Variants in STRN3 observed in about 807,000 individuals in gnomAD.
The protein encoded by STRN3 is striatin 3.
STRN3 carries 29 observed loss-of-function variants against 95.6 expected under a neutral mutation model. The ratio of observed to expected loss-of-function variants is 0.30; its 90% CI spans 0.23 to 0.41. The LOEUF is 0.41. Ranked by LOEUF, STRN3 falls within the 10% of genes least tolerant of loss-of-function variation. STRN3 has a pLI of 1.00. For missense variants in STRN3, 890 were observed against 972.1 expected (o/e 0.92, Z 1.12); for synonymous variants, 331 against 357.6 (o/e 0.93, Z 0.84).
intron 1 of STRN3, among the ~76,000 whole-genome samples, chr14:31,004,796 T>A (rs1382212617): frequency 2.6e-5 from 4 of 151,922 alleles, no homozygotes; most frequent in Admixed American, 6.6e-5. Flanking sequence ...TTTTTTTTTT[T>A]AAATCTTGGG....
intron 1 of STRN3, among the ~76,000 whole-genome samples, chr14:30,997,006 T>C (rs536229053): frequency 2.1e-4 from 32 of 151,318 alleles, no homozygotes; most frequent in Admixed American, 4.6e-4. Context: ...GCGAAAGTAA[T>C]AGACAATAAA....
chr14:31,004,640 G>A (rs766017056), intron 1 of STRN3, among the ~76,000 whole-genome samples: 1 of 152,042 alleles, frequency 6.6e-6, no homozygotes, highest in Non-Finnish European at 1.5e-5. Flanking sequence ...GGGTATGGTG[G>A]CACATCCCTG....
At chr14:31,012,190 T>G (rs1035187093) in intron 1 of STRN3, among the ~76,000 whole-genome samples, 2 of 152,264 alleles carry the variant, frequency 1.3e-5, no homozygotes, top group Non-Finnish European at 2.9e-5. Context: ...CCTTATCCAT[T>G]GTTACTCTCT....
rs1237770775 is a variant in STRN3 at position 30,894,889 on chromosome 14, TTTTC to T, written c.*518_*521del. 7.6e-6 allele frequency: 7 copies of T among 916,686 alleles called. No homozygotes were observed. The highest frequency in any genetic ancestry group is 4.6e-5 in the Admixed American group (1 of 21,618). 56.8% of individuals were successfully genotyped at this position (916,686 alleles called of 1,614,324 possible). ...TAAAATATTTTAAGTTAAATTTTCT[TTTTC>T]TTTTTTTTTTTTTTTAAAGCAAAAT... is the stretch of plus-strand genomic sequence containing the variant. On this transcript the variant is annotated 3_prime_UTR_variant, in exon 18 of 18. Coordinates refer to ENST00000357479, the MANE Select transcript of STRN3 (RefSeq NM_001083893.2).
chr14:31,001,953 T>G (rs8021606), intron 1 of STRN3, among the ~76,000 whole-genome samples: 2,765 of 143,506 alleles, frequency 0.019, 76 homozygotes, highest in African/African-American at 0.067. Flanking sequence ...TCACCTGAGG[T>G]CGGGAGTTTG....
At chr14:30,981,174 G>A (rs928325969) in intron 1 of STRN3, among the ~76,000 whole-genome samples, 16 of 152,076 alleles carry the variant, frequency 1.1e-4, no homozygotes, top group African/African-American at 3.4e-4. Context: ...AATTAACCAG[G>A]CATGACGGTG....
chr14:30,985,751 A>C (rs1195204547), intron 1 of STRN3, among the ~76,000 whole-genome samples: 5 of 151,994 alleles, frequency 3.3e-5, no homozygotes, highest in African/African-American at 1.2e-4. Context: ...TAGTTTTATC[A>C]TAAGAAATAT....
intron 1 of STRN3, among the ~76,000 whole-genome samples, chr14:31,006,390 G>A (rs1474695163): frequency 1.3e-5 from 2 of 151,470 alleles, no homozygotes; most frequent in Non-Finnish European, 2.9e-5. Flanking sequence ...GTGAGACCTC[G>A]TGTTTACTAA....
intron 8 of STRN3, among the ~76,000 whole-genome samples, chr14:30,928,822 T>G (rs566606364): frequency 3.9e-5 from 6 of 152,186 alleles, no homozygotes; most frequent in Admixed American, 1.3e-4. Context: ...CTAAGAAATG[T>G]AACCTGGATA....
chr14:30,908,000 G>C (rs1048666399), intron 13 of STRN3, among the ~76,000 whole-genome samples: 4 of 152,058 alleles, frequency 2.6e-5, no homozygotes, highest in African/African-American at 9.7e-5. Context: ...AAATAATGCT[G>C]CATGTTTCTT....
At chr14:30,997,136 C>T (rs907056944) in intron 1 of STRN3, among the ~76,000 whole-genome samples, 2 of 152,082 alleles carry the variant, frequency 1.3e-5, no homozygotes, top group Non-Finnish European at 2.9e-5. Context: ...GTAACAGCAG[C>T]AGGGCTCAAA....
At position 31,026,330 on chromosome 14, in the gene STRN3, GTCA is replaced by G; in HGVS notation, c.-148_-146del. The G allele has an allele frequency of 1.2e-6, 1 of 847,890 alleles. No individual in the cohort carries two copies. Among genetic ancestry groups the G allele is most frequent in the Non-Finnish European group, 1.6e-6 (1 of 612,048 alleles). The allele number at this position is 847,890 out of a possible 1,614,324, so 52.5% of individuals were successfully genotyped here. On this transcript the variant is annotated 5_prime_UTR_variant, in exon 1 of 18. An upstream open reading frame in the 5' UTR loses its in-frame stop. Coordinates refer to ENST00000357479, the MANE Select transcript of STRN3 (RefSeq NM_001083893.2). Reference sequence around the variant, plus strand: ...GGTCGTTGCTGTGTGCCTGCCGTGGGTCAGAGCAGGGAGCTGCCGGCTGCCGCC... The same window carrying G: ...GGTCGTTGCTGTGTGCCTGCCGTGGGGAGCAGGGAGCTGCCGGCTGCCGCC...
chr14:30,935,084 A>C (rs1878751708), intron 7 of STRN3, 79 bp downstream of exon 7: 4 of 1,546,752 alleles, frequency 2.6e-6, no homozygotes, highest in African/African-American at 1.4e-5. Flanking sequence ...TTATACACAC[A>C]TTCCACATAT....
At position 30,920,103 on chromosome 14, in the gene STRN3, T is replaced by C. The variant is rs530668127; in HGVS notation, c.1100-997A>G. 1.7e-3 allele frequency among the ~76,000 whole-genome samples: 265 copies of C among 152,324 alleles called. 1 individual carries two copies. The highest frequency in any genetic ancestry group is 3.2e-3 in the Non-Finnish European group (215 of 68,004). ...CTATATATTAAGTTCACTGTGGCTATTTGAGTGTAAGTAACTCTAAGAACT... is the reference window on the plus strand; with the variant it reads ...CTATATATTAAGTTCACTGTGGCTACTTGAGTGTAAGTAACTCTAAGAACT... On this transcript the variant is annotated intron_variant, in intron 8 of 17. Transcript: ENST00000357479.
At chr14:30,978,926 C>T (rs1881246234) in intron 1 of STRN3, among the ~76,000 whole-genome samples, 1 of 149,798 alleles carries the variant, frequency 6.7e-6, no homozygotes, top group African/African-American at 2.5e-5. Flanking sequence ...CCCAGCTACT[C>T]AGGAGGCTGA....
intron 10 of STRN3, among the ~76,000 whole-genome samples, chr14:30,913,036 C>T (rs1896649850): frequency 6.6e-6 from 1 of 152,086 alleles, no homozygotes; most frequent in Non-Finnish European, 1.5e-5. Context: ...CCCCACTCCC[C>T]AACCCTTCCA....
At chr14:30,996,001 T>C (rs1882181282) in intron 1 of STRN3, among the ~76,000 whole-genome samples, 2 of 152,198 alleles carry the variant, frequency 1.3e-5, no homozygotes, top group Admixed American at 1.3e-4. Flanking sequence ...CTTAGGACAA[T>C]TCTGAGGGCT....
chr14:30,979,237 A>G (rs747866995), intron 1 of STRN3, among the ~76,000 whole-genome samples: 1 of 152,136 alleles, frequency 6.6e-6, no homozygotes, highest in East Asian at 1.9e-4. Flanking sequence ...ACTACAAAAA[A>G]CTCTGATGAG....
At chr14:30,919,363 A>G (rs1329002244) in intron 8 of STRN3, among the ~76,000 whole-genome samples, 1 of 117,014 alleles carries the variant, frequency 8.5e-6, no homozygotes, top group African/African-American at 3.4e-5. Flanking sequence ...CTCTAAAGAG[A>G]TATATATATA....
Sources: allele counts gnomAD v4.1 joint callset (sites outside exome capture counted in the v4.1 genomes callset), GRCh38; gene constraint gnomAD v4.1.1; transcripts MANE v1.5; gene names NCBI Gene and HGNC (gene_info 2026-07-23, HGNC 2026-07-21).